Variants in FAM53A observed in about 807,000 individuals in gnomAD.
FAM53A encodes the protein family with sequence similarity 53 member A.
In FAM53A, 28 loss-of-function variants were observed where a neutral mutation model predicts 26.6. That is an observed-to-expected ratio of 1.05 (90% confidence interval 0.78 to 1.45). The LOEUF (loss-of-function observed/expected upper bound fraction) is 1.45. FAM53A is among the 40% of genes most tolerant of loss of function. The probability of loss-of-function intolerance (pLI) is 0.00; values close to 1 mark genes in which losing one functional copy is unlikely to be tolerated. For synonymous variants in FAM53A, 290 were observed against 253.1 expected (o/e 1.15, Z -1.38); for missense variants, 650 against 575.8 (o/e 1.13, Z -1.32).
the FAM53A span, among the ~76,000 whole-genome samples, chr4:1,606,042 T>TA: frequency 6.8e-6 from 1 of 147,432 alleles, no homozygotes; most frequent in African/African-American, 2.5e-5. Flanking sequence ...CTATGACTCT[T>TA]TTTTTTTTTT....
the FAM53A span, among the ~76,000 whole-genome samples, chr4:1,604,706 G>T: frequency 6.6e-6 from 1 of 152,062 alleles, no homozygotes; most frequent in East Asian, 1.9e-4. Context: ...CCCTTCCCGG[G>T]ACTAACATTG....
rs749141285 is a variant in FAM53A at position 1,668,943 on chromosome 4, C to T, written c.-164-38G>A. On this transcript the variant is annotated intron_variant, in intron 1 of 4. Transcript: ENST00000308132. ...AGAGAGAAATCATCATGTGATTATA[C>T]GCAAAACCATTTTGTTGATGTTTCT... 33 of 531,904 alleles carry T rather than the reference C, an allele frequency of 6.2e-5. No homozygotes were observed. The South Asian group carries it at 7.7e-4, about 12-fold the overall frequency. 32.9% of individuals were successfully genotyped at this position (531,904 alleles called of 1,614,324 possible).
intron 1 of FAM53A, among the ~76,000 whole-genome samples, chr4:1,679,684 T>TAAA (rs35096985): frequency 1.3e-4 from 15 of 112,478 alleles, no homozygotes; most frequent in African/African-American, 3.8e-4. Flanking sequence ...GAAACTCCAT[T>TAAA]AAAAAAAAAA....
the FAM53A span, among the ~76,000 whole-genome samples, chr4:1,596,290 T>C: frequency 1.8e-4 from 28 of 152,196 alleles, no homozygotes; most frequent in African/African-American, 6.8e-4. Context: ...TTCCATGCTG[T>C]CCGGATTTTT....
chr4:1,647,010 T>G lies in FAM53A; in HGVS notation c.883-5403A>C, dbSNP rs1216563177. Among the ~76,000 whole-genome samples the G allele has an allele frequency of 2.6e-5, 4 of 152,308 alleles. No individual in the cohort carries two copies. The East Asian group carries it at 7.7e-4, about 29-fold the overall frequency. ...ATATTTTAATTTCAACTTTGAAACA[T>G]AGCTTTGCCAATAAAAACAGAAAAA... On this transcript the variant is annotated intron_variant, in intron 4 of 4. Coordinates refer to ENST00000308132, the MANE Select transcript of FAM53A (RefSeq NM_001174070.3).
chr4:1,632,079 G>A (rs551266428), intron 1 of FAM53A, among the ~76,000 whole-genome samples: 68 of 150,318 alleles, frequency 4.5e-4, no homozygotes, highest in African/African-American at 1.7e-3. Flanking sequence ...TAGGAGAATC[G>A]CTTGAACCCG....
At chr4:1,643,391 G>A (rs1489869420) in intron 4 of FAM53A, among the ~76,000 whole-genome samples, 4 of 151,744 alleles carry the variant, frequency 2.6e-5, no homozygotes, top group Admixed American at 6.5e-5. Context: ...GCGTGAACCC[G>A]GGAGGCGGAG....
At chr4:1,651,940 C>T (rs1712826562) in intron 4 of FAM53A, among the ~76,000 whole-genome samples, 1 of 151,854 alleles carries the variant, frequency 6.6e-6, no homozygotes, top group Non-Finnish European at 1.5e-5. Context: ...AGGCACCCAC[C>T]TATGCATCAG....
intron 4 of FAM53A, among the ~76,000 whole-genome samples, chr4:1,652,739 A>G (rs953708097): frequency 8.4e-5 from 12 of 142,814 alleles, no homozygotes; most frequent in African/African-American, 3.2e-4. Context: ...GAGACCACAC[A>G]CTGCACACAC....
At chr4:1,671,674 G>T (rs1714670991) in intron 1 of FAM53A, among the ~76,000 whole-genome samples, 1 of 152,160 alleles carries the variant, frequency 6.6e-6, no homozygotes, top group African/African-American at 2.4e-5. Flanking sequence ...GGGCTCTATG[G>T]CTGACAAGCC....
chr4:1,641,308 C>G lies in FAM53A; in HGVS notation c.1182G>C (p.Gln394His), dbSNP rs1711685160. ...PRARWELDLEQIENN is the reference protein window; with the variant it reads ...PRARWELDLEHIENN ...CCCACCAGCCTCAGTTGTTCTCGAT[C>G]TGCTCCAGGTCCAGCTCCCAGCGGG... Residue 394 changes from glutamine (Q) to histidine (H), a missense_variant, in exon 5 of 5, where the codon CAG becomes CAC. By Grantham distance (24) the Gln-to-His change is conservative (BLOSUM62 0). Coordinates refer to ENST00000308132, the MANE Select transcript of FAM53A (RefSeq NM_001174070.3). 2 of 1,612,986 alleles carry G rather than the reference C, an allele frequency of 1.2e-6. No individual in the cohort carries two copies. Among genetic ancestry groups the G allele is most frequent in the East Asian group, 4.5e-5 (2 of 44,880 alleles).
Position 1,678,360 on chromosome 4 carries a change from T to G in FAM53A, c.-165+5873A>C, listed in dbSNP as rs189322347. ...CCTGTCTCAAAATAAAAAGACAGTG[T>G]GGGATGGGCAAAAGAACAGACAATT... On this transcript the variant is annotated intron_variant, in intron 1 of 4. Transcript: ENST00000308132. 2.0e-3 allele frequency among the ~76,000 whole-genome samples: 300 copies of G among 152,164 alleles called. 4 individuals carry two copies. Among genetic ancestry groups the G allele is most frequent in the African/African-American group, 6.6e-3 (275 of 41,494 alleles).
chr4:1,626,977 G>A (rs1715335245), intron 1 of FAM53A, among the ~76,000 whole-genome samples: 1 of 152,328 alleles, frequency 6.6e-6, no homozygotes, highest in South Asian at 2.1e-4. Flanking sequence ...GAGGGCAGGG[G>A]CTGTGGGACA....
chr4:1,597,437 T>C, the FAM53A span, among the ~76,000 whole-genome samples: 2 of 152,066 alleles, frequency 1.3e-5, no homozygotes, highest in East Asian at 3.9e-4. Context: ...AGGTTCTTCC[T>C]CGGGGCCAGG....
intron 4 of FAM53A, chr4:1,644,568 C>T (rs768669745): frequency 1.6e-5 from 8 of 501,856 alleles, no homozygotes; most frequent in Non-Finnish European, 2.7e-5. Context: ...CTCGCGCCCC[C>T]TGTCCCTGGG....
At chr4:1,613,992 G>C (rs1454207226), downstream of FAM53A, among the ~76,000 whole-genome samples, 1 of 152,204 alleles carries the variant, frequency 6.6e-6, no homozygotes, top group African/African-American at 2.4e-5. Context: ...GAAGAAGTGA[G>C]CACCAAAGAC....
intron 1 of FAM53A, among the ~76,000 whole-genome samples, chr4:1,675,828 G>C (rs1017057102): frequency 2.0e-5 from 3 of 152,124 alleles, no homozygotes; most frequent in East Asian, 1.9e-4. Context: ...CGCTCCCCAG[G>C]ATCTGGCCAC....
the FAM53A span, among the ~76,000 whole-genome samples, chr4:1,581,987 G>A: frequency 2.0e-5 from 3 of 151,540 alleles, no homozygotes; most frequent in Non-Finnish European, 4.4e-5. Flanking sequence ...CAACTCCTGA[G>A]CTCAAGTGAT....
chr4:1,650,780 G>A (rs1233159041), intron 4 of FAM53A, among the ~76,000 whole-genome samples: 2 of 151,482 alleles, frequency 1.3e-5, no homozygotes, highest in Non-Finnish European at 2.9e-5. Context: ...ACAGGCGTGA[G>A]CCAGTACACC....
Sources: gnomAD v4.1 joint callset for allele counts (sites outside exome capture counted in the v4.1 genomes callset) on GRCh38, gnomAD v4.1.1 for gene constraint, MANE v1.5 for transcripts, NCBI Gene and HGNC (gene_info 2026-07-23, HGNC 2026-07-21) for gene names.